The following PIEZO2 variants were observed in gnomAD, a reference collection of about 807,000 sequenced individuals.
PIEZO2 encodes piezo-type mechanosensitive ion channel component 2.
PIEZO2 carries 172 observed loss-of-function variants against 337.3 expected under a neutral mutation model. That is an observed-to-expected ratio of 0.51 (90% CI 0.45 to 0.58). The LOEUF (loss-of-function observed/expected upper bound fraction) is 0.58. Ranked by LOEUF, PIEZO2 falls within the 20% of genes least tolerant of loss-of-function variation. PIEZO2 has a pLI of 0.00. For synonymous variants in PIEZO2, 1,251 were observed against 1,228.5 expected (o/e 1.02, Z -0.38); for missense variants, 3,028 against 3,391.3 (o/e 0.89, Z 2.66).
At chr18:10,906,026 T>C (rs1217690263) in intron 4 of PIEZO2, among the ~76,000 whole-genome samples, 1 of 152,136 alleles carries the variant, frequency 6.6e-6, no homozygotes, top group African/African-American at 2.4e-5. Flanking sequence ...GAAATTTCTT[T>C]ATGACATAGA....
intron 2 of PIEZO2, among the ~76,000 whole-genome samples, chr18:10,983,305 C>G (rs923007093): frequency 4.6e-5 from 7 of 151,992 alleles, no homozygotes; most frequent in African/African-American, 1.5e-4. Flanking sequence ...GAGTTTCCAG[C>G]CCTACTGTGG....
intron 4 of PIEZO2, chr18:10,908,289 A>G (rs2030143252): frequency 6.6e-6 from 1 of 152,234 alleles, no homozygotes. Context: ...ATTCTTGGAG[A>G]AAAAGCTTTG....
At chr18:11,025,499 G>A (rs533134535) in intron 2 of PIEZO2, among the ~76,000 whole-genome samples, 4 of 152,130 alleles carry the variant, frequency 2.6e-5, no homozygotes, top group East Asian at 3.9e-4. Flanking sequence ...TTTGAATGGC[G>A]CCCTGGGCTT....
chr18:10,947,124 G>T (rs910535788), intron 3 of PIEZO2, among the ~76,000 whole-genome samples: 2 of 151,642 alleles, frequency 1.3e-5, no homozygotes, highest in African/African-American at 2.4e-5. Context: ...AGATGATAGA[G>T]GATAGAATAA....
intron 42 of PIEZO2, 152 bp downstream of exon 42, chr18:10,704,242 G>T: frequency 9.4e-7 from 1 of 1,064,650 alleles, no homozygotes; most frequent in Non-Finnish European, 1.3e-6. Flanking sequence ...GACGATTTGT[G>T]TATCTAAGAA....
chr18:10,955,003 G>A (rs962497142), intron 3 of PIEZO2, among the ~76,000 whole-genome samples: 1 of 152,136 alleles, frequency 6.6e-6, no homozygotes, highest in Admixed American at 6.5e-5. Flanking sequence ...ATAGGGAAAA[G>A]GAGGAGGAAG....
intron 3 of PIEZO2, among the ~76,000 whole-genome samples, chr18:10,965,625 C>A (rs1057420969): frequency 1.3e-5 from 2 of 152,178 alleles, no homozygotes; most frequent in African/African-American, 2.4e-5. Context: ...CGTCCAAATT[C>A]TTTGACCTTA....
chr18:10,920,192 C>G (rs1291703856), intron 3 of PIEZO2, among the ~76,000 whole-genome samples: 1 of 152,086 alleles, frequency 6.6e-6, no homozygotes, highest in Non-Finnish European at 1.5e-5. Flanking sequence ...CATGATCACC[C>G]CACCTTCCCC....
chr18:10,791,015 T>G (rs1290684398), intron 14 of PIEZO2, among the ~76,000 whole-genome samples, 186 bp downstream of exon 14: 2 of 152,208 alleles, frequency 1.3e-5, no homozygotes, highest in Non-Finnish European at 2.9e-5. Context: ...AACTGGCACA[T>G]TTTTAGCACT....
rs1279137530 is a variant in PIEZO2, at chr18:10,862,864, A to AT, written c.493-5654dup. ...CTGAATAGGCACAATTTGAAAATAT[A>AT]TTTTTTTAATCATATCCTAGCAGAC... On this transcript the variant is annotated intron_variant, in intron 5 of 55. Transcript: ENST00000674853. This position sits in a 1 kb window ranked among gnomAD's most constrained non-coding sequence, Gnocchi z 4.4. Among the ~76,000 whole-genome samples, 1 of 152,190 alleles carries AT rather than the reference A, an allele frequency of 6.6e-6. No individual in the cohort carries two copies. The highest frequency in any genetic ancestry group is 1.5e-5 in the Non-Finnish European group (1 of 68,026).
chr18:10,892,772 G>T (rs751596508), intron 4 of PIEZO2, among the ~76,000 whole-genome samples: 1 of 152,086 alleles, frequency 6.6e-6, no homozygotes, highest in Non-Finnish European at 1.5e-5. Flanking sequence ...CAAAATCTGA[G>T]AAAACATAAA....
At chr18:10,923,680 G>C (rs1206053916) in intron 3 of PIEZO2, among the ~76,000 whole-genome samples, 1 of 152,230 alleles carries the variant, frequency 6.6e-6, no homozygotes, top group East Asian at 1.9e-4. Context: ...AGAGTAGCTT[G>C]CTATTGCATA....
At chr18:10,689,536 T>G (rs902610585) in intron 49 of PIEZO2, 119 bp downstream of exon 49, 10 of 1,320,194 alleles carry the variant, frequency 7.6e-6, no homozygotes, top group Non-Finnish European at 9.7e-6. Context: ...GGGACATTTA[T>G]AGGTTGTGGT....
chr18:11,082,921 T>C (rs1206451354), intron 1 of PIEZO2, among the ~76,000 whole-genome samples: 2 of 152,176 alleles, frequency 1.3e-5, no homozygotes, highest in African/African-American at 2.4e-5. Flanking sequence ...TTTGATTCTA[T>C]CATATTATAT....
chr18:10,680,304 G>C lies in PIEZO2; in HGVS notation c.7847C>G (p.Ser2616Ter), dbSNP rs2034208367. 5.0e-6 allele frequency: 8 copies of C among 1,614,144 alleles called. No individual in the cohort carries two copies. Among genetic ancestry groups the C allele is most frequent in the Non-Finnish European group, 6.8e-6 (8 of 1,179,976 alleles). ...DITVAELEGN[S>*]NSLWTISPPS... ...TGGGCTGATGGTCCACAAAGAATTT[G>C]AGTTTCCTTCCAGTTCTGCTACTGT... Residue 2616 changes from serine (S) to a stop codon, truncating the protein, a stop_gained, in exon 52 of 56, where the codon TCA becomes TGA. Coordinates refer to ENST00000674853, the MANE Select transcript of PIEZO2 (RefSeq NM_001378183.1). LOFTEE classifies it high-confidence loss of function.
At chr18:10,831,968 C>A (rs866026892) in intron 7 of PIEZO2, among the ~76,000 whole-genome samples, 2 of 152,120 alleles carry the variant, frequency 1.3e-5, no homozygotes, top group Non-Finnish European at 2.9e-5. Context: ...ATTAGCTCAA[C>A]GTTCTTCCCA....
Position 11,129,734 on chromosome 18 carries a change from G to A in PIEZO2, c.64+18791C>T, listed in dbSNP as rs185245660. Among the ~76,000 whole-genome samples the A allele has an allele frequency of 6.6e-5, 10 of 152,268 alleles. No homozygotes were observed. The East Asian group carries it at 1.2e-3, about 18-fold the overall frequency. On this transcript the variant is annotated intron_variant, in intron 1 of 55. Transcript: ENST00000674853. This position sits in a 1 kb window ranked among gnomAD's most constrained non-coding sequence, Gnocchi z 4.6. ...CCAGGGTAACTGTGCATTGAGGAAA[G>A]GGAAATGATCAGACATTTCAGGGAC...
At position 10,787,045 on chromosome 18, in the gene PIEZO2, T is replaced by C. The variant is rs1345835035; in HGVS notation, c.2309A>G (p.Lys770Arg). 3.3e-6 allele frequency: 5 copies of C among 1,530,112 alleles called. No homozygotes were observed. In the South Asian group the frequency reaches 3.6e-5, roughly 11 times the overall value. The allele number at this position is 1,530,112 out of a possible 1,614,324, so 94.8% of individuals were successfully genotyped here. The stretch of plus-strand genomic sequence containing the variant: ...ACTCAAAATCACTTACTTTTCTTTT[T>C]TCAGTCCAGTCATATTTTGCCACAG... The part of the protein sequence containing the change: ...PGLWQNMTGL[K>R]KEKLEDLGLK... Residue 770 changes from lysine to arginine, a missense_variant, in exon 16 of 56, where the codon AAA becomes AGA. This residue lies in a region of PIEZO2 where 1,925 missense variants were observed against 2,051.9 expected (regional missense o/e 0.94). Transcript: ENST00000674853.
rs1020656531 is a variant in PIEZO2 at position 10,713,260 on chromosome 18, AATT to A, written c.5423+1501_5423+1503del. Among the ~76,000 whole-genome samples, 56 of 152,290 alleles carry A rather than the reference AATT, an allele frequency of 3.7e-4. No homozygotes were observed. The Middle Eastern group carries it at 0.01, about 28-fold the overall frequency. ...ATAAATATGGATCTGCCTCAATAATAATTATTGGGTAGCAAAATAATTGGCATA... is the reference window on the plus strand; with the variant it reads ...ATAAATATGGATCTGCCTCAATAATAATTGGGTAGCAAAATAATTGGCATA... On this transcript the variant is annotated intron_variant, in intron 39 of 55. Transcript: ENST00000674853. This position sits in a 1 kb window ranked among gnomAD's most constrained non-coding sequence, Gnocchi z 4.5.
Sources: gnomAD v4.1 joint callset for allele counts (sites outside exome capture counted in the v4.1 genomes callset) on GRCh38, gnomAD v4.1.1 for gene constraint, gnomAD v4.1.1 regional missense constraint, Gnocchi (gnomAD v3.1) non-coding constraint, MANE v1.5 for transcripts, NCBI Gene and HGNC (gene_info 2026-07-23, HGNC 2026-07-21) for gene names.